Variants in SERINC5 observed in about 807,000 individuals in gnomAD.
SERINC5 encodes the protein serine incorporator 5, also known as chromosome 5 open reading frame 12.
In SERINC5, 41 loss-of-function variants were observed where a neutral mutation model predicts 63.1. That is an observed-to-expected ratio of 0.65 (90% confidence interval 0.51 to 0.84). The LOEUF (loss-of-function observed/expected upper bound fraction) is 0.84, where lower values mean the gene tolerates loss of function less well. Among genes scored for constraint, SERINC5 ranks in the 40% least tolerant of loss-of-function variants. The pLI is 0.00. For missense variants in SERINC5, 523 were observed against 573.0 expected (o/e 0.91, Z 0.89); for synonymous variants, 222 against 215.2 (o/e 1.03, Z -0.28).
rs190277164 is a variant in SERINC5 at position 80,237,856 on chromosome 5, C to A, written c.27+18040G>T. The stretch of plus-strand genomic sequence containing the variant: ...CGGTGGCTCACGCCTGTAATCCCAG[C>A]ACTTTGGGGAGGCCAAGGCGGGTGG... On this transcript the variant is annotated intron_variant, in intron 1 of 11. Transcript: ENST00000507668. 6.7e-3 allele frequency among the ~76,000 whole-genome samples: 1,017 copies of A among 152,016 alleles called. 5 individuals are homozygous for A. The highest frequency in any genetic ancestry group is 0.027 in the Middle Eastern group (8 of 294).
At chr5:80,189,672 T>C (rs1243141213) in intron 2 of SERINC5, among the ~76,000 whole-genome samples, 2 of 152,178 alleles carry the variant, frequency 1.3e-5, no homozygotes, top group East Asian at 3.8e-4. Context: ...AAACACATGC[T>C]TATAGTCTAA....
At chr5:80,203,806 T>C (rs1750007588) in intron 1 of SERINC5, among the ~76,000 whole-genome samples, 1 of 152,176 alleles carries the variant, frequency 6.6e-6, no homozygotes, top group South Asian at 2.1e-4. Context: ...GAGGCAACTC[T>C]TCCTGGGTCC....
Position 80,236,158 on chromosome 5 carries a change from G to A in SERINC5, c.27+19738C>T, listed in dbSNP as rs1010496753. Among the ~76,000 whole-genome samples the A allele has an allele frequency of 2.0e-5, 3 of 152,064 alleles. No individual in the cohort carries two copies. The South Asian group carries it at 6.2e-4, about 32-fold the overall frequency. ...TATCAGTATCCCAAGGGAGAGTGAC[G>A]GTCCTCCCCAAAACTACAACATCTA... On this transcript the variant is annotated intron_variant, in intron 1 of 11. Transcript: ENST00000507668.
chr5:80,124,036 G>A (rs1262144732), intron 11 of SERINC5, among the ~76,000 whole-genome samples: 4 of 152,194 alleles, frequency 2.6e-5, no homozygotes, highest in East Asian at 1.9e-4. Context: ...CTGAATATGC[G>A]GATGGCCAGA....
chr5:80,215,543 A>T (rs1227568167), intron 1 of SERINC5, among the ~76,000 whole-genome samples: 1 of 152,212 alleles, frequency 6.6e-6, no homozygotes, highest in African/African-American at 2.4e-5. Context: ...GACTAGAAAT[A>T]TGCTCTTATA....
chr5:80,142,183 T>C lies in SERINC5; in HGVS notation c.*1480A>G, dbSNP rs1314568380. On this transcript the variant is annotated 3_prime_UTR_variant, in exon 12 of 12. Coordinates refer to ENST00000507668, the MANE Select transcript of SERINC5 (RefSeq NM_001174072.3). ...ACAGGAGTTTCCACCAAGTAAACCT[T>C]TTCCCTGCCTGAATACATCAACACT... is the stretch of plus-strand genomic sequence containing the variant. 1 of 985,304 alleles carries C rather than the reference T, an allele frequency of 1.0e-6. No homozygotes were observed. The highest frequency in any genetic ancestry group is 1.2e-6 in the Non-Finnish European group (1 of 829,930). 61.0% of individuals were successfully genotyped at this position (985,304 alleles called of 1,614,324 possible). A position where few individuals can be genotyped will look rare whatever the true frequency, so the allele number is the denominator to read the frequency against.
At chr5:80,251,729 C>CAAA (rs559105559) in intron 1 of SERINC5, among the ~76,000 whole-genome samples, 82 of 93,568 alleles carry the variant, frequency 8.8e-4, no homozygotes, top group African/African-American at 2.7e-4. Context: ...GACGCTGTCT[C>CAAA]AAAAAAAAAA....
chr5:80,214,530 A>G (rs1325567615), intron 1 of SERINC5, among the ~76,000 whole-genome samples: 1 of 151,116 alleles, frequency 6.6e-6, no homozygotes, highest in Admixed American at 6.7e-5. Context: ...GCCAGAGTGA[A>G]CTATCACCAT....
Position 80,188,261 on chromosome 5 carries a change from C to T in SERINC5, c.196-10197G>A, listed in dbSNP as rs559407497. Among the ~76,000 whole-genome samples, 7 of 122,368 alleles carry T rather than the reference C, an allele frequency of 5.7e-5. No individual in the cohort carries two copies. In the East Asian group the frequency reaches 9.8e-4, roughly 17 times the overall value. 80.3% of individuals were successfully genotyped at this position (122,368 alleles called of 152,430 possible). A position where few individuals can be genotyped will look rare whatever the true frequency, so the allele number is the denominator to read the frequency against. On this transcript the variant is annotated intron_variant, in intron 2 of 11. Transcript: ENST00000507668. The stretch of plus-strand genomic sequence containing the variant: ...TCCCACCACTGCACTCTAGCCTGGG[C>T]GACAGAGCAAGACTCCGTCTCAAAA...
At chr5:80,136,192 A>C (rs1418605491), downstream of SERINC5, among the ~76,000 whole-genome samples, 2 of 152,132 alleles carry the variant, frequency 1.3e-5, no homozygotes, top group African/African-American at 4.8e-5. Flanking sequence ...CTGGGGTGGA[A>C]CAATCACTTG....
rs187565305 is a variant in SERINC5, at chr5:80,153,329, G to A, written c.987-2381C>T. On this transcript the variant is annotated intron_variant, in intron 8 of 11. Transcript: ENST00000507668. ...AAAAATTAGCCGGGCATGGTGGGGG[G>A]CGCCTGTAATCCCAGCTACTCGGGA... 1.9e-3 allele frequency among the ~76,000 whole-genome samples: 285 copies of A among 151,928 alleles called. 8 individuals carry two copies. Among genetic ancestry groups the A allele is most frequent in the Non-Finnish European group, 4.1e-4 (28 of 67,934 alleles).
intron 1 of SERINC5, among the ~76,000 whole-genome samples, chr5:80,220,184 GGCGACAGA>G (rs1430608188): frequency 6.6e-6 from 1 of 151,506 alleles, no homozygotes; most frequent in East Asian, 1.9e-4. Flanking sequence ...CTCCAGCCTG[GGCGACAGA>G]GCAAGACTCT....
At chr5:80,205,246 C>A (rs571307419) in intron 1 of SERINC5, among the ~76,000 whole-genome samples, 1 of 152,358 alleles carries the variant, frequency 6.6e-6, no homozygotes, top group South Asian at 2.1e-4. Flanking sequence ...CTTTCCATTG[C>A]ACAGAGCTTT....
chr5:80,221,728 G>A (rs1248997454), intron 1 of SERINC5, among the ~76,000 whole-genome samples: 1 of 149,978 alleles, frequency 6.7e-6, no homozygotes, highest in Non-Finnish European at 1.5e-5. Flanking sequence ...CACCATATAG[G>A]ATATGTTTTG....
intron 4 of SERINC5, among the ~76,000 whole-genome samples, chr5:80,175,494 G>A (rs1382505228): frequency 2.6e-5 from 4 of 152,162 alleles, no homozygotes; most frequent in African/African-American, 4.8e-5. Flanking sequence ...ACAAGGACTC[G>A]GTTCGACTTC....
chr5:80,143,562 C>T lies in SERINC5; in HGVS notation c.*101G>A. 7.2e-7 allele frequency: 1 copy of T among 1,382,588 alleles called. No individual in the cohort carries two copies. Among genetic ancestry groups the T allele is most frequent in the Non-Finnish European group, 9.4e-7 (1 of 1,068,560 alleles). 85.6% of individuals were successfully genotyped at this position (1,382,588 alleles called of 1,614,324 possible). On this transcript the variant is annotated 3_prime_UTR_variant, in exon 12 of 12. Coordinates refer to ENST00000507668, the MANE Select transcript of SERINC5 (RefSeq NM_001174072.3). ...TTCTCTCTCAAAGCTTTTTCAGACC[C>T]ACTCAGGCACAGGGCGCCAGTCCCT...
chr5:80,127,122 T>A (rs1240577885), intron 11 of SERINC5, among the ~76,000 whole-genome samples: 2 of 152,208 alleles, frequency 1.3e-5, no homozygotes, highest in African/African-American at 4.8e-5. Context: ...TAGATTTTAT[T>A]ACTCAAAATA....
chr5:80,154,205 G>GTTTCAA (rs1746371419), intron 8 of SERINC5, among the ~76,000 whole-genome samples: 1 of 151,906 alleles, frequency 6.6e-6, no homozygotes, highest in Admixed American at 6.6e-5. Context: ...TGGAGATGGA[G>GTTTCAA]TTTCACTCTT....
At chr5:80,147,586 G>T (rs575238330) in intron 9 of SERINC5, among the ~76,000 whole-genome samples, 79 of 152,054 alleles carry the variant, frequency 5.2e-4, no homozygotes, top group Non-Finnish European at 9.4e-4. Context: ...CATGGCAGGG[G>T]TAAAGGCCGT....
Sources: allele counts gnomAD v4.1 joint callset (sites outside exome capture counted in the v4.1 genomes callset), GRCh38; gene constraint gnomAD v4.1.1; transcripts MANE v1.5; gene names NCBI Gene and HGNC (gene_info 2026-07-23, HGNC 2026-07-21).